The following CCR1 variants were observed in gnomAD, a reference collection of about 807,000 sequenced individuals.
The protein encoded by CCR1 is C-C motif chemokine receptor 1.
Under a neutral mutation model 0.3 loss-of-function variants are expected in CCR1, and 1 was observed. That is an observed-to-expected ratio of 3.70 (90% CI 1.31 to 17.54). CCR1 has a LOEUF of 17.54. Among genes scored for constraint, CCR1 ranks in the 30% most tolerant of loss-of-function variants. The probability of loss-of-function intolerance (pLI) is 0.11; values close to 1 mark genes in which losing one functional copy is unlikely to be tolerated. For synonymous variants in CCR1, 207 were observed against 182.5 expected, an observed-to-expected ratio of 1.13 and a Z score of -1.08; for missense variants, 349 against 435.4, an observed-to-expected ratio of 0.80 and a Z score of 1.77.
Position 46,203,762 on chromosome 3 carries a change from G to T in CCR1, c.552C>A (p.Ser184Arg). The stretch of plus-strand genomic sequence containing the variant: ...GTAGGCTTTCGTGAGGAAAGTGAAG[G>T]CTGCAGGTGTGGTGAGTGAATTCCC... ...TQWEFTHHTC[S>R]LHFPHESLRE... Residue 184 changes from serine (S) to arginine (R), a missense_variant, in exon 2 of 2, where the codon AGC (serine) becomes AGA (arginine). Physicochemically the swap from Ser to Arg is moderately radical, Grantham distance 110. Coordinates refer to ENST00000296140, the MANE Select transcript of CCR1 (RefSeq NM_001295.3). The surrounding 1 kb of genome is among the most constrained non-coding windows in gnomAD (Gnocchi z 4.5). 3 of 1,614,180 alleles carry T rather than the reference G, an allele frequency of 1.9e-6. No homozygotes were observed. The highest frequency in any genetic ancestry group is 2.5e-6 in the Non-Finnish European group (3 of 1,180,010).
rs1699602032 is a variant in CCR1 at position 46,202,181 on chromosome 3, A to G, written c.*1065T>C. 1 of 151,996 alleles carries G rather than the reference A, an allele frequency of 6.6e-6. No individual in the cohort carries two copies. Among genetic ancestry groups the G allele is most frequent in the Non-Finnish European group, 1.5e-5 (1 of 68,012 alleles). The allele number at this position is 151,996 out of a possible 1,614,324, so 9.4% of individuals were successfully genotyped here. ...CTTTCCTCCCAACCCCCTATCAGCT[A>G]CAAATACTGTCAGCTTACACAGCAG... On this transcript the variant is annotated 3_prime_UTR_variant, in exon 2 of 2. Coordinates refer to ENST00000296140, the MANE Select transcript of CCR1 (RefSeq NM_001295.3).
chr3:46,207,539 A>G (rs1433098323), intron 1 of CCR1, among the ~76,000 whole-genome samples: 1 of 152,186 alleles, frequency 6.6e-6, no homozygotes, highest in Non-Finnish European at 1.5e-5. Context: ...GTTCAGTATC[A>G]AATCATCCTT....
chr3:46,204,205 GCAGTTGGGCCC>G lies in CCR1; in HGVS notation c.98_108del (p.Gly33AlafsTer44). On this transcript the variant is annotated frameshift_variant, in exon 2 of 2. Transcript: ENST00000296140. LOFTEE classifies it low-confidence loss of function (END_TRUNC). Reference sequence around the variant, plus strand: ...AATACCAAGGAGTACAGAGGGGGCAGCAGTTGGGCCCCAAAGGCCCTCTCGTTCACCTTCTG... The same window carrying G: ...AATACCAAGGAGTACAGAGGGGGCAGCAAAGGCCCTCTCGTTCACCTTCTG... 1 of 1,613,794 alleles carries G rather than the reference GCAGTTGGGCCC, an allele frequency of 6.2e-7. No individual in the cohort carries two copies. The highest frequency in any genetic ancestry group is 8.5e-7 in the Non-Finnish European group (1 of 1,179,762).
Position 46,203,420 on chromosome 3 carries a change from T to C in CCR1, c.894A>G (p.Pro298=). Residue 298 remains proline, a synonymous_variant, in exon 2 of 2, where the codon CCA becomes CCG. Transcript: ENST00000296140. The surrounding 1 kb of genome is among the most constrained non-coding windows in gnomAD (Gnocchi z 4.5). The stretch of plus-strand genomic sequence containing the variant: ...TCTCACCAACGAAGGCGTAGATCAC[T>C]GGGTTGACACAGCAGTGCGTGTAGG... The part of the protein sequence containing the change: ...VIAYTHCCVN[P]VIYAFVGERF... The C allele has an allele frequency of 6.2e-7, 1 of 1,614,164 alleles. No individual in the cohort carries two copies. Among genetic ancestry groups the C allele is most frequent in the South Asian group, 1.1e-5 (1 of 91,084 alleles).
At chr3:46,205,074 T>C (rs1699635010) in intron 1 of CCR1, among the ~76,000 whole-genome samples, 1 of 152,166 alleles carries the variant, frequency 6.6e-6, no homozygotes, top group Non-Finnish European at 1.5e-5. Context: ...TCACCAAAAC[T>C]GGGGGATGCT....
intron 1 of CCR1, among the ~76,000 whole-genome samples, chr3:46,207,054 T>C (rs1384670273): frequency 6.6e-6 from 1 of 152,190 alleles, no homozygotes; most frequent in South Asian, 2.1e-4. Context: ...AGCATGTTGG[T>C]AGCTTGAAAC....
At position 46,201,967 on chromosome 3, in the gene CCR1, G is replaced by C. The variant is rs1387996544; in HGVS notation, c.*1279C>G. 6.6e-6 allele frequency: 1 copy of C among 152,174 alleles called. No homozygotes were observed. The highest frequency in any genetic ancestry group is 1.5e-5 in the Non-Finnish European group (1 of 68,030). 9.4% of individuals were successfully genotyped at this position (152,174 alleles called of 1,614,324 possible). The stretch of plus-strand genomic sequence containing the variant: ...TTAAGCTGTTTTAGAAATAAGTTTT[G>C]TTATTAGGAAAATTATTTTTAAAGA... On this transcript the variant is annotated 3_prime_UTR_variant, in exon 2 of 2. Transcript: ENST00000296140.
rs756160018 is a variant in CCR1 at position 46,204,212 on chromosome 3, G to A, written c.102C>T (p.Ala34=). 6 of 1,613,734 alleles carry A rather than the reference G, an allele frequency of 3.7e-6. No homozygotes were observed. Among genetic ancestry groups the A allele is most frequent in the Non-Finnish European group, 5.1e-6 (6 of 1,179,862 alleles). Residue 34 remains alanine (A), a synonymous_variant, in exon 2 of 2, where the codon GCC becomes GCT. Coordinates refer to ENST00000296140, the MANE Select transcript of CCR1 (RefSeq NM_001295.3). ...AGGAGTACAGAGGGGGCAGCAGTTG[G>A]GCCCCAAAGGCCCTCTCGTTCACCT... ...CQKVNERAFG[A]QLLPPLYSLV...
chr3:46,206,756 G>T (rs1169257151), intron 1 of CCR1, among the ~76,000 whole-genome samples: 4 of 152,164 alleles, frequency 2.6e-5, no homozygotes, highest in Non-Finnish European at 5.9e-5. Flanking sequence ...GGTGATCTGG[G>T]GTGGGGCCCG....
In CCR1 at chr3:46,203,196, G is replaced by T. The variant is rs200902987; in HGVS notation, c.*50C>A. The T allele has an allele frequency of 4.4e-5, 60 of 1,378,354 alleles. No homozygotes were observed. The African/African-American group carries it at 7.7e-4, about 18-fold the overall frequency. The allele number at this position is 1,378,354 out of a possible 1,614,324, so 85.4% of individuals were successfully genotyped here. A position where few individuals can be genotyped will look rare whatever the true frequency, so the allele number is the denominator to read the frequency against. Reference sequence around the variant, plus strand: ...GAGAGCCAGGCTGCTGGCTCAGTGTGCCTGGCAGGTCACGCCTGCTTATTT... The same window carrying T: ...GAGAGCCAGGCTGCTGGCTCAGTGTTCCTGGCAGGTCACGCCTGCTTATTT... On this transcript the variant is annotated 3_prime_UTR_variant, in exon 2 of 2. Coordinates refer to ENST00000296140, the MANE Select transcript of CCR1 (RefSeq NM_001295.3). The surrounding 1 kb of genome is among the most constrained non-coding windows in gnomAD (Gnocchi z 4.5).
At position 46,203,411 on chromosome 3, in the gene CCR1, G is replaced by A. The variant is rs141128686; in HGVS notation, c.903C>T (p.Tyr301=). Residue 301 remains tyrosine (Y), a synonymous_variant, in exon 2 of 2, where the codon TAC becomes TAT. Coordinates refer to ENST00000296140, the MANE Select transcript of CCR1 (RefSeq NM_001295.3). This position sits in a 1 kb window ranked among gnomAD's most constrained non-coding sequence, Gnocchi z 4.5. ...YTHCCVNPVI[Y]AFVGERFRKY... ...TCCGGAACCTCTCACCAACGAAGGCGTAGATCACTGGGTTGACACAGCAGT... is the reference window on the plus strand; with the variant it reads ...TCCGGAACCTCTCACCAACGAAGGCATAGATCACTGGGTTGACACAGCAGT... The A allele has an allele frequency of 1.5e-3, 2,439 of 1,614,174 alleles. 6 individuals carry two copies. The highest frequency in any genetic ancestry group is 9.6e-3 in the Middle Eastern group (58 of 6,062).
chr3:46,202,446 T>C lies in CCR1; in HGVS notation c.*800A>G, dbSNP rs1409385909. The C allele has an allele frequency of 6.6e-6, 1 of 152,184 alleles. No homozygotes were observed. The highest frequency in any genetic ancestry group is 1.5e-5 in the Non-Finnish European group (1 of 68,036). 9.4% of individuals were successfully genotyped at this position (152,184 alleles called of 1,614,324 possible). ...AGAAAAGAAGGGTAAATGGAAATGA[T>C]GAGTCCCTCCCCTTTATGGCTATTT... On this transcript the variant is annotated 3_prime_UTR_variant, in exon 2 of 2. Transcript: ENST00000296140.
At position 46,203,388 on chromosome 3, in the gene CCR1, C is replaced by T. The variant is rs201235369; in HGVS notation, c.926G>A (p.Arg309Gln). ...VIYAFVGERFRKYLRQLFHRR... is the reference protein window; with the variant it reads ...VIYAFVGERFQKYLRQLFHRR... ...GTGGAACAACTGCCGCAGGTACTTC[C>T]GGAACCTCTCACCAACGAAGGCGTA... The change falls in exon 2 of 2, where the codon CGG becomes CAG. Residue 309 changes from arginine to glutamine, a missense_variant. Arg to Gln is a conservative substitution (Grantham distance 43). Transcript: ENST00000296140. The surrounding 1 kb of genome is among the most constrained non-coding windows in gnomAD (Gnocchi z 4.5). The T allele has an allele frequency of 2.9e-5, 47 of 1,614,012 alleles. No individual in the cohort carries two copies. Among genetic ancestry groups the T allele is most frequent in the Non-Finnish European group, 3.3e-5 (39 of 1,180,020 alleles).
chr3:46,203,950 A>G lies in CCR1; in HGVS notation c.364T>C (p.Phe122Leu), dbSNP rs374010945. The change falls in exon 2 of 2, where the codon TTT (phenylalanine) becomes CTT (leucine). Residue 122 changes from phenylalanine to leucine, a missense_variant. Phe to Leu is a conservative substitution (Grantham distance 22). Transcript: ENST00000296140. The surrounding 1 kb of genome is among the most constrained non-coding windows in gnomAD (Gnocchi z 4.5). ...FYYTGLYSEIFFIILLTIDRY... is the reference protein window; with the variant it reads ...FYYTGLYSEILFIILLTIDRY... ...TCAATCGTCAGCAGGATGATGAAAA[A>G]GATCTCGCTGTACAAGCCTGTGTAA... 16 of 1,614,098 alleles carry G rather than the reference A, an allele frequency of 9.9e-6. No homozygotes were observed. The African/African-American group carries it at 2.0e-4, about 20-fold the overall frequency.
rs376824058 is a variant in CCR1, at chr3:46,203,458, T to C, written c.856A>G (p.Thr286Ala). ...CAGTGCGTGTAGGCGATCACCTCCGTCACTTGCACAGCCAGGTCCAAATGT... is the reference window on the plus strand; with the variant it reads ...CAGTGCGTGTAGGCGATCACCTCCGCCACTTGCACAGCCAGGTCCAAATGT... ...SRHLDLAVQV[T>A]EVIAYTHCCV... Residue 286 changes from threonine to alanine, a missense_variant, in exon 2 of 2, where the codon ACG (threonine) becomes GCG (alanine). By Grantham distance (58) the Thr-to-Ala change is moderately conservative. Transcript: ENST00000296140. This position sits in a 1 kb window ranked among gnomAD's most constrained non-coding sequence, Gnocchi z 4.5. 20 of 1,613,980 alleles carry C rather than the reference T, an allele frequency of 1.2e-5. No homozygotes were observed. In the African/African-American group the frequency reaches 2.1e-4, roughly 17 times the overall value.
In CCR1 at chr3:46,202,892, G is replaced by T. The variant is rs551097962; in HGVS notation, c.*354C>A. On this transcript the variant is annotated 3_prime_UTR_variant, in exon 2 of 2. Coordinates refer to ENST00000296140, the MANE Select transcript of CCR1 (RefSeq NM_001295.3). ...ACAGTCACCACTACTGGGTTTAATT[G>T]GTTTGTGCAAGCAATAGTGGGAAGT... The T allele has an allele frequency of 1.0e-5, 2 of 198,662 alleles. No individual in the cohort carries two copies. Among genetic ancestry groups the T allele is most frequent in the East Asian group, 2.5e-4 (2 of 7,952 alleles). The allele number at this position is 198,662 out of a possible 1,614,324, so 12.3% of individuals were successfully genotyped here.
rs1303561388 is a variant in CCR1 at position 46,204,037 on chromosome 3, A to T, written c.277T>A (p.Tyr93Asn). The T allele has an allele frequency of 6.2e-7, 1 of 1,614,244 alleles. No individual in the cohort carries two copies. The highest frequency in any genetic ancestry group is 2.2e-5 in the East Asian group (1 of 44,880). Reference protein sequence around the residue: ...FLFTLPFWIDYKLKDDWVFGD... With the variant: ...FLFTLPFWIDNKLKDDWVFGD... ...AAAACCCAGTCATCCTTCAACTTGT[A>T]GTCGATCCAGAAGGGAAGCGTGAAC... Residue 93 changes from tyrosine to asparagine, a missense_variant, in exon 2 of 2, where the codon TAC (tyrosine) becomes AAC (asparagine). Tyr to Asn is a moderately radical substitution (Grantham distance 143). Transcript: ENST00000296140.
intron 1 of CCR1, among the ~76,000 whole-genome samples, chr3:46,205,899 T>G (rs1041726685): frequency 5.3e-5 from 8 of 152,072 alleles, no homozygotes; most frequent in African/African-American, 1.9e-4. Context: ...CACCAGCACA[T>G]CCCAGGCACC....
At position 46,204,329 on chromosome 3, in the gene CCR1, AG is replaced by A; in HGVS notation, c.-11-6del. On this transcript the variant is annotated splice_region_variant and splice_polypyrimidine_tract_variant and intron_variant, in intron 1 of 1. Coordinates refer to ENST00000296140, the MANE Select transcript of CCR1 (RefSeq NM_001295.3). ...GAGTTTCCATCCCGGCTTCTCCTAC[AG>A]GTTAAAAAAAAAAAAAAGATTTGTC... is the stretch of plus-strand genomic sequence containing the variant. 1 of 1,475,418 alleles carries A rather than the reference AG, an allele frequency of 6.8e-7. No individual in the cohort carries two copies. Among genetic ancestry groups the A allele is most frequent in the Non-Finnish European group, 9.0e-7 (1 of 1,109,168 alleles). The allele number at this position is 1,475,418 out of a possible 1,614,324, so 91.4% of individuals were successfully genotyped here. A position where few individuals can be genotyped will look rare whatever the true frequency, so the allele number is the denominator to read the frequency against.
Sources: gnomAD v4.1 joint callset for allele counts (sites outside exome capture counted in the v4.1 genomes callset) on GRCh38, gnomAD v4.1.1 for gene constraint, Gnocchi (gnomAD v3.1) non-coding constraint, MANE v1.5 for transcripts, NCBI Gene and HGNC (gene_info 2026-07-23, HGNC 2026-07-21) for gene names.